Variants in TOPAZ1 observed in about 807,000 individuals in gnomAD.
The protein encoded by TOPAZ1 is testis and ovary specific TOPAZ 1.
Under a neutral mutation model 172.2 loss-of-function variants are expected in TOPAZ1, and 66 were observed. The ratio of observed to expected loss-of-function variants is 0.38; its 90% CI spans 0.31 to 0.47. The LOEUF is 0.47. Ranked by LOEUF, TOPAZ1 falls within the 20% of genes least tolerant of loss-of-function variation. The pLI is 0.99. For missense variants in TOPAZ1, 1,822 were observed against 1,972.4 expected, an observed-to-expected ratio of 0.92 and a Z score of 1.44; for synonymous variants, 681 against 683.9, an observed-to-expected ratio of 1.00 and a Z score of 0.07.
At chr3:44,321,952 G>A (rs1700541172) in intron 17 of TOPAZ1, among the ~76,000 whole-genome samples, 1 of 152,112 alleles carries the variant, frequency 6.6e-6, no homozygotes, top group South Asian at 2.1e-4. Flanking sequence ...TAGGGAGATT[G>A]GACAGATAGT....
At chr3:44,314,525 T>C (rs1700430906) in intron 16 of TOPAZ1, among the ~76,000 whole-genome samples, 1 of 152,124 alleles carries the variant, frequency 6.6e-6, no homozygotes, top group Admixed American at 6.6e-5. Flanking sequence ...AATCCAGGTC[T>C]ATCTGACTGC....
At chr3:44,287,924 CT>C in intron 11 of TOPAZ1, 85 bp downstream of exon 11, 1 of 644,130 alleles carries the variant, frequency 1.6e-6, no homozygotes. Context: ...CTTGAGCTGC[CT>C]TTTATTCACA....
intron 9 of TOPAZ1, among the ~76,000 whole-genome samples, chr3:44,284,408 A>G (rs1290873876): frequency 6.6e-6 from 1 of 152,204 alleles, no homozygotes; most frequent in Non-Finnish European, 1.5e-5. Flanking sequence ...ACTTAGCATA[A>G]TGTCCTCAAG....
At chr3:44,316,708 G>A (rs1005965600) in intron 16 of TOPAZ1, among the ~76,000 whole-genome samples, 3 of 151,932 alleles carry the variant, frequency 2.0e-5, no homozygotes, top group Non-Finnish European at 4.4e-5. Flanking sequence ...TCAAAGTTAC[G>A]TATTCATCCA....
chr3:44,291,100 C>T (rs1207933178), intron 12 of TOPAZ1, among the ~76,000 whole-genome samples: 1 of 152,060 alleles, frequency 6.6e-6, no homozygotes, highest in Non-Finnish European at 1.5e-5. Flanking sequence ...CATTTCCTCT[C>T]AATGTCCTGC....
At chr3:44,311,147 G>A (rs1360070052) in intron 16 of TOPAZ1, among the ~76,000 whole-genome samples, 2 of 152,098 alleles carry the variant, frequency 1.3e-5, no homozygotes, top group Non-Finnish European at 2.9e-5. Context: ...TCATATACAT[G>A]TGATTCATAT....
intron 16 of TOPAZ1, among the ~76,000 whole-genome samples, chr3:44,313,850 C>G (rs370293898): frequency 1.2e-4 from 19 of 152,096 alleles, no homozygotes; most frequent in African/African-American, 4.6e-4. Flanking sequence ...CATTCCAGGT[C>G]TTTTCTCTGT....
chr3:44,271,008 A>G (rs1322756234), intron 8 of TOPAZ1, among the ~76,000 whole-genome samples, 198 bp downstream of exon 8: 1 of 152,134 alleles, frequency 6.6e-6, no homozygotes, highest in African/African-American at 2.4e-5. Flanking sequence ...CACCTATTGT[A>G]GATGTTTCTC....
At chr3:44,296,847 C>CAAAAAAAAAAAAAAAAAAAAAAAAAA (rs141080618) in intron 12 of TOPAZ1, among the ~76,000 whole-genome samples, 1 of 104,776 alleles carries the variant, frequency 9.5e-6, no homozygotes, top group Admixed American at 1.1e-4. Context: ...CAGAGAATAC[C>CAAAAAAAAAAAAAAAAAAAAAAAAAA]AAAAAAAAAA....
Position 44,305,188 on chromosome 3 carries a change from A to G in TOPAZ1, c.3906A>G (p.Leu1302=), listed in dbSNP as rs1391353792. ...EKGDWTKLGK[L]YINVKMGCEK... is the part of the protein sequence containing the mutation. ...GTGACTGGACCAAATTGGGAAAATT[A>G]TACATTAACGTAAAAATGGGCTGTG... is the stretch of plus-strand genomic sequence containing the variant. The change falls in exon 14 of 20, where the codon TTA becomes TTG. Residue 1302 remains leucine, a synonymous_variant. Coordinates refer to ENST00000309765, the MANE Select transcript of TOPAZ1 (RefSeq NM_001145030.2). The G allele has an allele frequency of 1.9e-6, 3 of 1,542,318 alleles. No homozygotes were observed. The highest frequency in any genetic ancestry group is 2.5e-5 in the South Asian group (2 of 81,612).
chr3:44,296,937 C>T lies in TOPAZ1; in HGVS notation c.3797+6051C>T, dbSNP rs1159371872. Among the ~76,000 whole-genome samples, 6 of 150,662 alleles carry T rather than the reference C, an allele frequency of 4.0e-5. No homozygotes were observed. In the East Asian group the frequency reaches 9.7e-4, roughly 24 times the overall value. Reference sequence around the variant, plus strand: ...CTGTAATCTCAGCACTTTGAGAGGCCGAGGTGGGTGGATCACCTGAGGTCA... The same window carrying T: ...CTGTAATCTCAGCACTTTGAGAGGCTGAGGTGGGTGGATCACCTGAGGTCA... On this transcript the variant is annotated intron_variant, in intron 12 of 19. Transcript: ENST00000309765.
chr3:44,308,214 C>T (rs1435524623), intron 15 of TOPAZ1, among the ~76,000 whole-genome samples: 1 of 152,062 alleles, frequency 6.6e-6, no homozygotes, highest in Non-Finnish European at 1.5e-5. Flanking sequence ...GCCGAGATTG[C>T]ACCACTGCCC....
At chr3:44,302,108 A>G (rs1249820032) in intron 12 of TOPAZ1, among the ~76,000 whole-genome samples, 4 of 152,160 alleles carry the variant, frequency 2.6e-5, no homozygotes, top group African/African-American at 2.4e-5. Flanking sequence ...TTCCAACAAC[A>G]TGTATTAAAA....
At chr3:44,282,234 C>T (rs1457133090) in intron 9 of TOPAZ1, among the ~76,000 whole-genome samples, 1 of 152,206 alleles carries the variant, frequency 6.6e-6, no homozygotes, top group Non-Finnish European at 1.5e-5. Context: ...CATTCCCTTA[C>T]ACATTAATGT....
chr3:44,281,959 C>A lies in TOPAZ1; in HGVS notation c.3373-9C>A. ...AAAGGTAGTTTTACATTTTTCGTGA[C>A]TTTTGCAGGTTTGCATGGATGTGTT... On this transcript the variant is annotated splice_polypyrimidine_tract_variant and intron_variant, in intron 8 of 19. Transcript: ENST00000309765. The A allele has an allele frequency of 6.5e-7, 1 of 1,535,714 alleles. No homozygotes were observed. Among genetic ancestry groups the A allele is most frequent in the Non-Finnish European group, 8.8e-7 (1 of 1,136,510 alleles).
intron 1 of TOPAZ1, 79 bp from the exon 2 acceptor site, chr3:44,242,774 C>T (rs1699500930): frequency 2.5e-5 from 30 of 1,178,728 alleles, no homozygotes; most frequent in Non-Finnish European, 3.5e-5. Flanking sequence ...GATAGCCTCA[C>T]AATTTTTAAT....
At chr3:44,290,481 C>T (rs1209238653) in intron 11 of TOPAZ1, among the ~76,000 whole-genome samples, 1 of 151,908 alleles carries the variant, frequency 6.6e-6, no homozygotes, top group Non-Finnish European at 1.5e-5. Flanking sequence ...GAATACCAGT[C>T]CTAGATTAGA....
intron 8 of TOPAZ1, among the ~76,000 whole-genome samples, chr3:44,280,825 T>C (rs1347017157): frequency 6.6e-6 from 1 of 152,196 alleles, no homozygotes; most frequent in African/African-American, 2.4e-5. Flanking sequence ...GGAATGTCAG[T>C]GGGGCTCCAG....
Position 44,243,430 on chromosome 3 carries a change from G to T in TOPAZ1, c.924G>T (p.Leu308Phe). The T allele has an allele frequency of 1.3e-6, 2 of 1,551,650 alleles. No homozygotes were observed. The highest frequency in any genetic ancestry group is 3.3e-4 in the Middle Eastern group (2 of 5,992). Reference protein sequence around the residue: ...SDLYQSKTNGLLSCLQHEKNK... With the variant: ...SDLYQSKTNGFLSCLQHEKNK... The stretch of plus-strand genomic sequence containing the variant: ...TATACCAAAGTAAAACCAATGGCTT[G>T]CTTTCCTGCCTTCAACATGAAAAAA... Residue 308 changes from leucine (L) to phenylalanine (F), a missense_variant, in exon 2 of 20, where the codon TTG (leucine) becomes TTT (phenylalanine). Leu to Phe is a conservative substitution (Grantham distance 22). Coordinates refer to ENST00000309765, the MANE Select transcript of TOPAZ1 (RefSeq NM_001145030.2).
Sources: gnomAD v4.1 joint callset for allele counts (sites outside exome capture counted in the v4.1 genomes callset) on GRCh38, gnomAD v4.1.1 for gene constraint, MANE v1.5 for transcripts, NCBI Gene and HGNC (gene_info 2026-07-23, HGNC 2026-07-21) for gene names.